The following PPP1R12B variants were observed in gnomAD, a reference collection of about 807,000 sequenced individuals.
PPP1R12B encodes the protein protein phosphatase 1 regulatory subunit 12B.
PPP1R12B carries 76 observed loss-of-function variants against 126.1 expected under a neutral mutation model. That is an observed-to-expected ratio of 0.60 (90% CI 0.50 to 0.73). PPP1R12B has a LOEUF of 0.73. Ranked by LOEUF, PPP1R12B falls within the 30% of genes least tolerant of loss-of-function variation. PPP1R12B has a pLI of 0.00. For synonymous variants in PPP1R12B, 356 were observed against 434.7 expected, an observed-to-expected ratio of 0.82 and a Z score of 2.25; for missense variants, 1,052 against 1,205.1, an observed-to-expected ratio of 0.87 and a Z score of 1.88.
chr1:202,398,685 A>T (rs1270711671), intron 1 of PPP1R12B, among the ~76,000 whole-genome samples: 4 of 152,224 alleles, frequency 2.6e-5, no homozygotes, highest in Non-Finnish European at 5.9e-5. Context: ...CTTGCCTGGC[A>T]GAAGTCTAAG....
Position 202,348,905 on chromosome 1 carries a change from G to A in PPP1R12B, c.54G>A (p.Arg18=). 1.2e-6 allele frequency: 2 copies of A among 1,609,882 alleles called. No homozygotes were observed. The highest frequency in any genetic ancestry group is 1.7e-6 in the Non-Finnish European group (2 of 1,178,928). ...GGKRAESARM[R]RAEQLRRWRG... is the part of the protein sequence containing the mutation. ...AGCGGGCAGAGTCGGCGCGAATGCG[G>A]CGGGCAGAGCAGCTTCGGCGCTGGC... The change falls in exon 1 of 24, where the codon CGG becomes CGA. Residue 18 remains arginine, a synonymous_variant. Coordinates refer to ENST00000608999, the MANE Select transcript of PPP1R12B (RefSeq NM_002481.4).
intron 13 of PPP1R12B, among the ~76,000 whole-genome samples, chr1:202,453,918 A>G (rs1673313965): frequency 6.6e-6 from 1 of 152,214 alleles, no homozygotes; most frequent in African/African-American, 2.4e-5. Flanking sequence ...GGAAATAGTA[A>G]TAAATCAATG....
intron 1 of PPP1R12B, among the ~76,000 whole-genome samples, chr1:202,397,327 TC>T (rs1665135425): frequency 6.6e-6 from 1 of 152,200 alleles, no homozygotes. Flanking sequence ...TCCTATGACT[TC>T]CATGCTAAAT....
rs1370049599 is a variant in PPP1R12B, at chr1:202,508,747, G to A, written c.2490+11925G>A. Among the ~76,000 whole-genome samples the A allele has an allele frequency of 6.6e-6, 1 of 152,158 alleles. No individual in the cohort carries two copies. The highest frequency in any genetic ancestry group is 1.5e-5 in the Non-Finnish European group (1 of 68,020). On this transcript the variant is annotated intron_variant, in intron 18 of 23. Coordinates refer to ENST00000608999, the MANE Select transcript of PPP1R12B (RefSeq NM_002481.4). This position sits in a 1 kb window ranked among gnomAD's most constrained non-coding sequence, Gnocchi z 4.5. ...ATAGCTACTACTTGCTGGCTGTTGTGAAGAGTCAACACTCTGCCTTTCTGA... is the reference window on the plus strand; with the variant it reads ...ATAGCTACTACTTGCTGGCTGTTGTAAAGAGTCAACACTCTGCCTTTCTGA...
At chr1:202,556,426 T>C (rs1686947862) in intron 18 of PPP1R12B, among the ~76,000 whole-genome samples, 1 of 152,200 alleles carries the variant, frequency 6.6e-6, no homozygotes. Flanking sequence ...TATTGTGTTC[T>C]GGCCCTGTAG....
At chr1:202,538,135 A>G (rs1251720607) in intron 18 of PPP1R12B, among the ~76,000 whole-genome samples, 1 of 152,218 alleles carries the variant, frequency 6.6e-6, no homozygotes, top group Non-Finnish European at 1.5e-5. Flanking sequence ...CTGGGACTAC[A>G]GGTGCCCCCC....
At chr1:202,573,000 G>C (rs187152604) in intron 23 of PPP1R12B, among the ~76,000 whole-genome samples, 28 of 152,258 alleles carry the variant, frequency 1.8e-4, no homozygotes, top group Admixed American at 1.8e-3. Flanking sequence ...TTGTCAGATT[G>C]AGTCACTTTC....
intron 1 of PPP1R12B, among the ~76,000 whole-genome samples, chr1:202,364,607 T>C (rs1044259988): frequency 5.9e-5 from 9 of 151,904 alleles, no homozygotes; most frequent in Non-Finnish European, 7.4e-5. Flanking sequence ...GACGGAGTCT[T>C]GCTCTGTCAC....
At chr1:202,399,122 A>G (rs572592622) in intron 1 of PPP1R12B, among the ~76,000 whole-genome samples, 114 of 152,310 alleles carry the variant, frequency 7.5e-4, no homozygotes, top group African/African-American at 2.5e-3. Context: ...TGCTTACTGG[A>G]TATGCCTGGG....
chr1:202,536,358 G>A (rs1410631703), intron 18 of PPP1R12B, among the ~76,000 whole-genome samples: 1 of 152,156 alleles, frequency 6.6e-6, no homozygotes, highest in Non-Finnish European at 1.5e-5. Flanking sequence ...TGTAGAGCTG[G>A]AACATGATAA....
At chr1:202,428,754 G>C in intron 5 of PPP1R12B, 101 bp from the exon 6 acceptor site, 1 of 1,065,030 alleles carries the variant, frequency 9.4e-7, no homozygotes, top group Non-Finnish European at 1.4e-6. Flanking sequence ...TATTATTGGA[G>C]TCAAAGGCAA....
intron 23 of PPP1R12B, among the ~76,000 whole-genome samples, chr1:202,574,365 C>G (rs547847095): frequency 6.6e-6 from 1 of 152,118 alleles, no homozygotes; most frequent in Non-Finnish European, 1.5e-5. Context: ...TAAAAATTAT[C>G]CAGGTATGGT....
rs565522906 is a variant in PPP1R12B at position 202,438,223 on chromosome 1, AT to A, written c.1458+200del. On this transcript the variant is annotated intron_variant, in intron 10 of 23. Transcript: ENST00000608999. ...ATTGTTTGCTTGACCAAAAAAGAAA[AT>A]AAAAAAGCTTTAAAAATAGCTTTTC... is the stretch of plus-strand genomic sequence containing the variant. 1.1e-4 allele frequency: 167 copies of A among 1,570,554 alleles called. No homozygotes were observed. The African/African-American group carries it at 1.5e-3, about 14-fold the overall frequency.
At chr1:202,573,337 T>G (rs888166830) in intron 23 of PPP1R12B, among the ~76,000 whole-genome samples, 1 of 152,188 alleles carries the variant, frequency 6.6e-6, no homozygotes. Flanking sequence ...TCATTCTTTC[T>G]CTTTGGTTAA....
rs1315247117 is a variant in PPP1R12B at position 202,589,491 on chromosome 1, A to T, written c.*8931A>T. ...GAAGAATTCAGTCCTGTCCTGGGGC[A>T]CAAAACAGAGGCAAAGAAGCATGAC... On this transcript the variant is annotated 3_prime_UTR_variant, in exon 24 of 24. Transcript: ENST00000608999. The T allele has an allele frequency of 6.6e-6, 1 of 152,282 alleles. No individual in the cohort carries two copies. The highest frequency in any genetic ancestry group is 1.9e-4 in the East Asian group (1 of 5,200). 9.4% of individuals were successfully genotyped at this position (152,282 alleles called of 1,614,324 possible).
At chr1:202,368,406 A>G (rs574588707) in intron 1 of PPP1R12B, among the ~76,000 whole-genome samples, 1 of 152,328 alleles carries the variant, frequency 6.6e-6, no homozygotes, top group East Asian at 1.9e-4. Flanking sequence ...AGCCAAGCAG[A>G]TGTCAGTGCC....
intron 8 of PPP1R12B, among the ~76,000 whole-genome samples, chr1:202,432,128 A>G (rs1370271932): frequency 2.0e-5 from 3 of 152,184 alleles, no homozygotes; most frequent in African/African-American, 7.2e-5. Flanking sequence ...GAATACTTGC[A>G]TTTAATTCTC....
intron 17 of PPP1R12B, among the ~76,000 whole-genome samples, 190 bp downstream of exon 17, chr1:202,495,872 GT>G (rs1679494034): frequency 6.6e-6 from 1 of 152,190 alleles, no homozygotes; most frequent in Non-Finnish European, 1.5e-5. Context: ...TAGATTCCCA[GT>G]ATCTAGTACA....
intron 13 of PPP1R12B, among the ~76,000 whole-genome samples, chr1:202,465,264 C>T (rs1054613938): frequency 6.6e-6 from 1 of 152,170 alleles, no homozygotes; most frequent in African/African-American, 2.4e-5. Flanking sequence ...TGCTCTTCTA[C>T]ACCTCCAAGA....
Sources: gnomAD v4.1 joint callset for allele counts (sites outside exome capture counted in the v4.1 genomes callset) on GRCh38, gnomAD v4.1.1 for gene constraint, Gnocchi (gnomAD v3.1) non-coding constraint, MANE v1.5 for transcripts, NCBI Gene and HGNC (gene_info 2026-07-23, HGNC 2026-07-21) for gene names.